The following ACACA variants were observed in gnomAD, a reference collection of about 807,000 sequenced individuals.
ACACA encodes acetyl-CoA carboxylase 1.
Under a neutral mutation model 296.1 loss-of-function variants are expected in ACACA, and 103 were observed. The observed-to-expected ratio is 0.35, with a 90% CI of 0.30 to 0.41. ACACA has a LOEUF of 0.41. Ranked by LOEUF, ACACA falls within the 10% of genes least tolerant of loss-of-function variation. The probability of loss-of-function intolerance (pLI) is 1.00; values close to 1 mark genes in which losing one functional copy is unlikely to be tolerated. For missense variants in ACACA, 1,554 were observed against 2,989.7 expected (o/e 0.52, Z 11.20); for synonymous variants, 953 against 1,038.6 (o/e 0.92, Z 1.58).
chr17:37,096,192 T>G (rs2072979542), intron 54 of ACACA, among the ~76,000 whole-genome samples: 1 of 152,174 alleles, frequency 6.6e-6, no homozygotes, highest in Non-Finnish European at 1.5e-5. Context: ...TAGTGGTCTT[T>G]CTAAAATAGA....
intron 49 of ACACA, 37 bp from the exon 50 acceptor site, chr17:37,121,527 A>G (rs1292431457): frequency 6.2e-6 from 10 of 1,613,188 alleles, no homozygotes; most frequent in Admixed American, 5.0e-5. Context: ...AATTAACAAC[A>G]CAGCTCCAGG....
intron 35 of ACACA, among the ~76,000 whole-genome samples, chr17:37,198,531 T>C (rs541949793): frequency 6.6e-6 from 1 of 152,192 alleles, no homozygotes; most frequent in Non-Finnish European, 1.5e-5. Flanking sequence ...TCCCAAAGTA[T>C]CAATTTTATT....
At chr17:37,325,728 T>C (rs545140771) in intron 3 of ACACA, among the ~76,000 whole-genome samples, 6 of 151,658 alleles carry the variant, frequency 4.0e-5, no homozygotes, top group Non-Finnish European at 8.8e-5. Flanking sequence ...GCATGTGCCA[T>C]CGTGCTCGGC....
At chr17:37,394,183 C>T (rs2050993847) in intron 1 of ACACA, among the ~76,000 whole-genome samples, 1 of 151,886 alleles carries the variant, frequency 6.6e-6, no homozygotes, top group South Asian at 2.1e-4. Context: ...CCAATTATTC[C>T]TGTGGAATTA....
Position 37,254,780 on chromosome 17 carries a change from T to G in ACACA, c.1827-1744A>C, listed in dbSNP as rs576046632. Among the ~76,000 whole-genome samples, 38 of 151,526 alleles carry G rather than the reference T, an allele frequency of 2.5e-4. 1 individual carries two copies. Among genetic ancestry groups the G allele is most frequent in the African/African-American group, 9.0e-4 (37 of 41,224 alleles). ...GGGCAGATCACTCGAGGTCAGGAAT[T>G]CGAGACCAGCCTGGCCGACATGGTG... On this transcript the variant is annotated intron_variant, in intron 14 of 55. Transcript: ENST00000616317.
chr17:37,169,321 A>G (rs1430434145), intron 41 of ACACA, among the ~76,000 whole-genome samples: 3 of 152,244 alleles, frequency 2.0e-5, no homozygotes, highest in Non-Finnish European at 4.4e-5. Flanking sequence ...TAATCACCTG[A>G]CAAAATTGAA....
intron 47 of ACACA, among the ~76,000 whole-genome samples, chr17:37,128,024 CAAAAAAAAAAAAAAAAA>C (rs1173864454): frequency 1.3e-4 from 5 of 39,716 alleles, no homozygotes; most frequent in African/African-American, 4.2e-4. Context: ...AACTCCATCT[CAAAAAAAAAAAAAAAAA>C]AAAAAAAAAA....
At chr17:37,329,088 A>C (rs927861747) in intron 3 of ACACA, 36 of 396,648 alleles carry the variant, frequency 9.1e-5, no homozygotes, top group Non-Finnish European at 8.9e-6. Context: ...TGACATTCTC[A>C]GTTAGGGAGA....
intron 1 of ACACA, among the ~76,000 whole-genome samples, chr17:37,347,487 G>T (rs2048681368): frequency 6.6e-6 from 1 of 152,036 alleles, no homozygotes; most frequent in Admixed American, 6.6e-5. Context: ...GTGGAGACGG[G>T]GTTTTGTTAT....
At chr17:37,189,113 C>A (rs538759091) in intron 38 of ACACA, among the ~76,000 whole-genome samples, 2 of 152,314 alleles carry the variant, frequency 1.3e-5, no homozygotes, top group East Asian at 3.9e-4. Context: ...TCCCACATTT[C>A]TCTAAGTTTA....
At chr17:37,196,640 ATAT>A (rs1163419960) in intron 35 of ACACA, among the ~76,000 whole-genome samples, 2 of 152,204 alleles carry the variant, frequency 1.3e-5, no homozygotes, top group East Asian at 3.9e-4. Flanking sequence ...AAAAAGCATA[ATAT>A]TATATCCCAA....
chr17:37,275,504 A>G lies in ACACA; in HGVS notation c.901+447T>C, dbSNP rs1003411587. ...GAGTGAGACTCCAACTCAAAAAAAA[A>G]AAAAAAAAAGAAAAAAAAAGAAAAA... On this transcript the variant is annotated intron_variant, in intron 8 of 55. Coordinates refer to ENST00000616317, the MANE Select transcript of ACACA (RefSeq NM_198834.3). Among the ~76,000 whole-genome samples the G allele has an allele frequency of 8.6e-3, 1,272 of 148,070 alleles. 8 individuals are homozygous for G. Among genetic ancestry groups the G allele is most frequent in the Non-Finnish European group, 0.012 (820 of 67,796 alleles).
chr17:37,262,388 C>T (rs1378280446), intron 11 of ACACA, among the ~76,000 whole-genome samples: 6 of 152,102 alleles, frequency 3.9e-5, no homozygotes, highest in Non-Finnish European at 8.8e-5. Context: ...TCCCACAGGC[C>T]ACAATGTGAA....
intron 1 of ACACA, among the ~76,000 whole-genome samples, chr17:37,396,895 A>G (rs1454480570): frequency 6.6e-6 from 1 of 152,084 alleles, no homozygotes; most frequent in Non-Finnish European, 1.5e-5. Flanking sequence ...TAATAGTAGT[A>G]GTAGTATTAT....
chr17:37,370,751 G>A (rs2049774342), intron 1 of ACACA, among the ~76,000 whole-genome samples: 1 of 152,108 alleles, frequency 6.6e-6, no homozygotes, highest in African/African-American at 2.4e-5. Flanking sequence ...GGGAGGCTGA[G>A]GTGGGCGGAT....
At chr17:37,151,128 AGT>A (rs2076021898) in intron 44 of ACACA, among the ~76,000 whole-genome samples, 171 bp downstream of exon 44, 1 of 152,194 alleles carries the variant, frequency 6.6e-6, no homozygotes, top group Admixed American at 6.5e-5. Flanking sequence ...TGAAAAATTC[AGT>A]TATTTATATT....
Position 37,121,295 on chromosome 17 carries a change from T to G in ACACA, c.6274+60A>C, listed in dbSNP as rs189323466. ...GATTCTGCTGAATCTATACCCTCCC[T>G]CTGCCGCAGAGTGCCCAGTAATCAG... On this transcript the variant is annotated intron_variant, in intron 50 of 55. Coordinates refer to ENST00000616317, the MANE Select transcript of ACACA (RefSeq NM_198834.3). 14 of 1,611,848 alleles carry G rather than the reference T, an allele frequency of 8.7e-6. No individual in the cohort carries two copies. In the African/African-American group the frequency reaches 1.6e-4, roughly 18 times the overall value.
chr17:37,197,391 C>G (rs750974990), intron 35 of ACACA, among the ~76,000 whole-genome samples: 1 of 152,188 alleles, frequency 6.6e-6, no homozygotes, highest in Non-Finnish European at 1.5e-5. Context: ...CCTCTCCTTG[C>G]TCCCTCAAGT....
At chr17:37,239,996 G>A (rs1172307758) in intron 24 of ACACA, among the ~76,000 whole-genome samples, 1 of 152,196 alleles carries the variant, frequency 6.6e-6, no homozygotes, top group Non-Finnish European at 1.5e-5. Flanking sequence ...ATTTAGTGAA[G>A]CTCTTCAGAG....
Sources: allele counts gnomAD v4.1 joint callset (sites outside exome capture counted in the v4.1 genomes callset), GRCh38; gene constraint gnomAD v4.1.1; transcripts MANE v1.5; gene names NCBI Gene and HGNC (gene_info 2026-07-23, HGNC 2026-07-21).